PCDHGA1: variants seen among roughly 807,000 people sequenced by gnomAD.
PCDHGA1 encodes the protein protocadherin gamma subfamily A, 1, also known as protocadherin gamma-A1.
PCDHGA1 carries 32 observed loss-of-function variants against 58.0 expected under a neutral mutation model. The observed-to-expected ratio is 0.55, with a 90% CI of 0.42 to 0.74. PCDHGA1 has a LOEUF of 0.74. Ranked by LOEUF, PCDHGA1 falls within the 30% of genes least tolerant of loss-of-function variation. PCDHGA1 has a pLI of 0.00. For synonymous variants in PCDHGA1, 498 were observed against 501.1 expected, an observed-to-expected ratio of 0.99 and a Z score of 0.08; for missense variants, 1,205 against 1,182.3, an observed-to-expected ratio of 1.02 and a Z score of -0.28.
Position 141,399,060 on chromosome 5 carries a change from T to C in PCDHGA1, c.2421+65955T>C, listed in dbSNP as rs903637711. 1.9e-5 allele frequency: 31 copies of C among 1,613,868 alleles called. No homozygotes were observed. In the African/African-American group the frequency reaches 2.8e-4, roughly 15 times the overall value. ...TGGATTTTGAAGAGACCAAGGAATA[T>C]TCAATGGTTGTAGAAGGGAGGGATG... On this transcript the variant is annotated intron_variant, in intron 1 of 3. Coordinates refer to ENST00000517417, the MANE Select transcript of PCDHGA1 (RefSeq NM_018912.3).
chr5:141,477,600 T>A lies in PCDHGA1; in HGVS notation c.2422-17207T>A, dbSNP rs746047124. The A allele has an allele frequency of 6.2e-6, 10 of 1,614,146 alleles. No homozygotes were observed. The highest frequency in any genetic ancestry group is 7.6e-6 in the Non-Finnish European group (9 of 1,180,026). ...CCGCAGAATGCTCGGCTTTCTTTCT[T>A]TCTCTTGGAGCAAGGAGCTGAAACC... On this transcript the variant is annotated intron_variant, in intron 1 of 3. Coordinates refer to ENST00000517417, the MANE Select transcript of PCDHGA1 (RefSeq NM_018912.3). This position sits in a 1 kb window ranked among gnomAD's most constrained non-coding sequence, Gnocchi z 4.9.
At chr5:141,414,090 A>C (rs2095707874) in intron 1 of PCDHGA1, 4 of 1,598,352 alleles carry the variant, frequency 2.5e-6, no homozygotes, top group Non-Finnish European at 3.4e-6. Context: ...CTGGAGAAAT[A>C]AAAATATCAG....
In PCDHGA1 at chr5:141,379,822, T is replaced by C. The variant is rs186939729; in HGVS notation, c.2421+46717T>C. ...GGTTTTGAGAGTTCAGTATAGAATT[T>C]TGAAGCATCAGGAAAAAAAACTACC... On this transcript the variant is annotated intron_variant, in intron 1 of 3. Transcript: ENST00000517417. Among the ~76,000 whole-genome samples, 5 of 150,884 alleles carry C rather than the reference T, an allele frequency of 3.3e-5. No individual in the cohort carries two copies. In the East Asian group the frequency reaches 9.7e-4, roughly 29 times the overall value.
At chr5:141,508,756 C>A (rs890362975) in intron 3 of PCDHGA1, among the ~76,000 whole-genome samples, 2 of 151,904 alleles carry the variant, frequency 1.3e-5, no homozygotes, top group African/African-American at 4.8e-5. Flanking sequence ...CTTTCTCTGG[C>A]GCCTCTGAGG....
intron 1 of PCDHGA1, chr5:141,421,871 CT>C: frequency 6.2e-7 from 1 of 1,613,756 alleles, no homozygotes; most frequent in Non-Finnish European, 8.5e-7. Flanking sequence ...CTCCTCACAG[CT>C]TTAGATGGAG....
At chr5:141,375,457 A>T in intron 1 of PCDHGA1, 1 of 1,613,816 alleles carries the variant, frequency 6.2e-7, no homozygotes, top group East Asian at 2.2e-5. Flanking sequence ...CATCCTACTC[A>T]GTCTATGTCC....
At chr5:141,426,639 AATGTGATGATAGAAGATATAAATG>A (rs1418104928) in intron 1 of PCDHGA1, 1 of 407,642 alleles carries the variant, frequency 2.5e-6, no homozygotes, top group Non-Finnish European at 5.0e-6. Context: ...TTTTCACATA[AATGTGATGATAGAAGATATAAATG>A]ATAACCCACC....
At chr5:141,478,717 C>T (rs1381812771) in intron 1 of PCDHGA1, 1 of 1,545,032 alleles carries the variant, frequency 6.5e-7, no homozygotes, top group South Asian at 1.2e-5. Context: ...GAGATGGTGG[C>T]CTGCCAGAGT....
chr5:141,351,013 CG>C (rs1758619195), intron 1 of PCDHGA1: 2 of 1,613,944 alleles, frequency 1.2e-6, no homozygotes, highest in Admixed American at 1.7e-5. Flanking sequence ...TCCAAGAAAA[CG>C]TACCGTGGGG....
At chr5:141,361,682 C>T in intron 1 of PCDHGA1, 1 of 1,613,584 alleles carries the variant, frequency 6.2e-7, no homozygotes. Context: ...GTGGTGTTCG[C>T]GCAGCGCGCC....
intron 1 of PCDHGA1, chr5:141,414,130 T>C (rs761622500): frequency 6.3e-7 from 1 of 1,594,602 alleles, no homozygotes; most frequent in South Asian, 1.1e-5. Context: ...AACCGGTTTC[T>C]ATGAAATAGA....
chr5:141,341,417 T>C, intron 1 of PCDHGA1: 1 of 1,613,984 alleles, frequency 6.2e-7, no homozygotes, highest in Non-Finnish European at 8.5e-7. Flanking sequence ...TTTCACAACA[T>C]ACGTACTAGC....
intron 1 of PCDHGA1, among the ~76,000 whole-genome samples, chr5:141,433,989 T>C (rs898601470): frequency 6.6e-6 from 1 of 152,248 alleles, no homozygotes; most frequent in Non-Finnish European, 1.5e-5. Context: ...AGAAGAGTTT[T>C]ATATTCTCTA....
intron 1 of PCDHGA1, chr5:141,413,563 A>G: frequency 6.2e-7 from 1 of 1,613,918 alleles, no homozygotes; most frequent in Non-Finnish European, 8.5e-7. Context: ...AGTAACTGAT[A>G]TCAATGACAA....
chr5:141,361,468 G>A (rs781508901), intron 1 of PCDHGA1: 5 of 1,614,008 alleles, frequency 3.1e-6, no homozygotes, highest in East Asian at 2.2e-5. Context: ...CATCTCCGAC[G>A]TCAACGATAA....
At chr5:141,337,370 C>T (rs1486187683) in intron 1 of PCDHGA1, among the ~76,000 whole-genome samples, 1 of 152,158 alleles carries the variant, frequency 6.6e-6, no homozygotes, top group African/African-American at 2.4e-5. Context: ...GGAAGTAACC[C>T]AAGTGTCCAT....
Position 141,331,302 on chromosome 5 carries a change from T to A in PCDHGA1, c.618T>A (p.Ala206=). ...GTCCCTTAGACAGAGAAGAAGAAGC[T>A]GTCCACCACCTCATCCTCACAGCTT... ...LQSPLDREEE[A]VHHLILTASD... Residue 206 remains alanine, a synonymous_variant, in exon 1 of 4, where the codon GCT becomes GCA. Coordinates refer to ENST00000517417, the MANE Select transcript of PCDHGA1 (RefSeq NM_018912.3). 2.5e-6 allele frequency: 4 copies of A among 1,614,140 alleles called. No homozygotes were observed. Among genetic ancestry groups the A allele is most frequent in the Non-Finnish European group, 3.4e-6 (4 of 1,180,026 alleles).
intron 1 of PCDHGA1, chr5:141,351,797 C>G (rs773768523): frequency 6.2e-7 from 1 of 1,613,362 alleles, no homozygotes; most frequent in Non-Finnish European, 8.5e-7. Context: ...GGTGTTCGCG[C>G]AGCGCGCCTT....
chr5:141,405,901 G>A (rs954255473), intron 1 of PCDHGA1, among the ~76,000 whole-genome samples: 1 of 152,092 alleles, frequency 6.6e-6, no homozygotes, highest in Non-Finnish European at 1.5e-5. Context: ...ACTGAAAGGA[G>A]GCATTTATTA....
Sources: allele counts gnomAD v4.1 joint callset (sites outside exome capture counted in the v4.1 genomes callset), GRCh38; gene constraint gnomAD v4.1.1; non-coding constraint Gnocchi (gnomAD v3.1); transcripts MANE v1.5; gene names NCBI Gene and HGNC (gene_info 2026-07-23, HGNC 2026-07-21).